Variants in KIF13B observed in about 807,000 individuals in gnomAD.
KIF13B encodes the protein kinesin-like protein KIF13B.
In KIF13B, 127 loss-of-function variants were observed where a neutral mutation model predicts 222.0. That is an observed-to-expected ratio of 0.57 (90% CI 0.50 to 0.66). KIF13B has a LOEUF of 0.66. Among genes scored for constraint, KIF13B ranks in the 30% least tolerant of loss-of-function variants. The pLI is 0.00. For missense variants in KIF13B, 2,173 were observed against 2,379.0 expected (o/e 0.91, Z 1.80); for synonymous variants, 976 against 919.0 (o/e 1.06, Z -1.12).
At chr8:29,142,828 G>C (rs1810879110) in intron 18 of KIF13B, among the ~76,000 whole-genome samples, 1 of 151,416 alleles carries the variant, frequency 6.6e-6, no homozygotes, top group Non-Finnish European at 1.5e-5. Flanking sequence ...GACAGTATGA[G>C]ACTCTCAAAA....
At chr8:29,094,211 C>A (rs1286491666) in intron 36 of KIF13B, among the ~76,000 whole-genome samples, 1 of 150,804 alleles carries the variant, frequency 6.6e-6, no homozygotes, top group African/African-American at 2.4e-5. Flanking sequence ...AATCAAGGAT[C>A]TAGCTCTACC....
chr8:29,206,250 C>T (rs144501882), intron 2 of KIF13B, among the ~76,000 whole-genome samples: 1 of 152,278 alleles, frequency 6.6e-6, no homozygotes, highest in East Asian at 1.9e-4. Context: ...CATAGTGAGA[C>T]CTTGTCTCTA....
At chr8:29,142,934 C>CCGAG (rs1353428716) in intron 18 of KIF13B, among the ~76,000 whole-genome samples, 30 of 152,118 alleles carry the variant, frequency 2.0e-4, no homozygotes, top group Non-Finnish European at 2.1e-4. Context: ...CTCACTGCAG[C>CCGAG]CTCGAACTCC....
At chr8:29,088,614 A>G (rs1301198654) in intron 37 of KIF13B, among the ~76,000 whole-genome samples, 1 of 152,232 alleles carries the variant, frequency 6.6e-6, no homozygotes, top group Non-Finnish European at 1.5e-5. Context: ...TTTCAAGTGC[A>G]TGGAACTCCA....
At chr8:29,217,087 C>T (rs1814518786) in intron 2 of KIF13B, among the ~76,000 whole-genome samples, 1 of 152,206 alleles carries the variant, frequency 6.6e-6, no homozygotes, top group Non-Finnish European at 1.5e-5. Context: ...AGCTGTCTCA[C>T]TCTACCTCTT....
intron 37 of KIF13B, among the ~76,000 whole-genome samples, chr8:29,078,884 G>C (rs139348933): frequency 3.1e-4 from 47 of 152,306 alleles, no homozygotes; most frequent in Admixed American, 2.8e-3. Flanking sequence ...CAGATGAGTA[G>C]CTTACAGGCA....
At chr8:29,120,178 T>G (rs1432029267) in intron 29 of KIF13B, among the ~76,000 whole-genome samples, 3 of 149,704 alleles carry the variant, frequency 2.0e-5, no homozygotes, top group Non-Finnish European at 4.5e-5. Flanking sequence ...TTTTTTTTTT[T>G]TTTTTTTTTT....
chr8:29,160,855 G>T lies in KIF13B; in HGVS notation c.1282C>A (p.Gln428Lys). 1.2e-6 allele frequency: 2 copies of T among 1,613,196 alleles called. No homozygotes were observed. Among genetic ancestry groups the T allele is most frequent in the Non-Finnish European group, 1.7e-6 (2 of 1,179,480 alleles). ...TEEIAQERQK[Q>K]LESLGISLQS... ...AGAGATATTCCAAGACTCTCAAGCT[G>T]TTTCTGTCGTTCCTGTAAATGTTAT... The change falls in exon 13 of 40, where the codon CAG (glutamine) becomes AAG (lysine). Residue 428 changes from glutamine to lysine, a missense_variant. By Grantham distance (53) the Gln-to-Lys change is moderately conservative. This residue lies in a region of KIF13B where 1,480 missense variants were observed against 1,722.8 expected (regional missense o/e 0.86). Coordinates refer to ENST00000524189, the MANE Select transcript of KIF13B (RefSeq NM_015254.4).
chr8:29,082,463 G>C (rs62502812), intron 37 of KIF13B, among the ~76,000 whole-genome samples: 62,407 of 151,522 alleles, frequency 0.41, 13,869 homozygotes, highest in Non-Finnish European at 0.51. Flanking sequence ...ACATACCAAG[G>C]CCTCATTTTT....
At position 29,224,687 on chromosome 8, in the gene KIF13B, G is replaced by A. The variant is rs553791570; in HGVS notation, c.149+20659C>T. 5.4e-5 allele frequency among the ~76,000 whole-genome samples: 8 copies of A among 148,136 alleles called. No homozygotes were observed. In the East Asian group the frequency reaches 5.9e-4, roughly 11 times the overall value. ...ACCCCCCCCCATTCATTCTATCCACGTTAAGAATCCCTATTCTAGAGCATG... is the reference window on the plus strand; with the variant it reads ...ACCCCCCCCCATTCATTCTATCCACATTAAGAATCCCTATTCTAGAGCATG... On this transcript the variant is annotated intron_variant, in intron 2 of 39. Coordinates refer to ENST00000524189, the MANE Select transcript of KIF13B (RefSeq NM_015254.4).
At position 29,108,127 on chromosome 8, in the gene KIF13B, T is replaced by TA; in HGVS notation, c.4215+11dup. 6.2e-7 allele frequency: 1 copy of TA among 1,604,694 alleles called. No individual in the cohort carries two copies. Among genetic ancestry groups the TA allele is most frequent in the East Asian group, 2.2e-5 (1 of 44,804 alleles). On this transcript the variant is annotated intron_variant, in intron 35 of 39. Coordinates refer to ENST00000524189, the MANE Select transcript of KIF13B (RefSeq NM_015254.4). ...GACTTAAAACACTGATAGAAATAGT[T>TA]AAAACACCTACCTTGTTGCTGCCTA...
chr8:29,079,361 C>T (rs763663604), intron 37 of KIF13B, among the ~76,000 whole-genome samples: 6 of 152,340 alleles, frequency 3.9e-5, no homozygotes, highest in East Asian at 1.9e-4. Context: ...TCACACATGA[C>T]GGTATCTACA....
intron 13 of KIF13B, among the ~76,000 whole-genome samples, chr8:29,156,459 T>C (rs1166861898): frequency 6.6e-6 from 1 of 152,102 alleles, no homozygotes; most frequent in Non-Finnish European, 1.5e-5. Context: ...ATACTTTAGT[T>C]CCGTTTTTTT....
intron 9 of KIF13B, 147 bp from the exon 10 acceptor site, chr8:29,176,326 C>T (rs1812475635): frequency 3.3e-6 from 2 of 601,990 alleles, no homozygotes; most frequent in Non-Finnish European, 5.9e-6. Flanking sequence ...CAAAAGCACA[C>T]AACTCAAAAT....
In KIF13B at chr8:29,092,806, T is replaced by A; in HGVS notation, c.4397A>T (p.Lys1466Met). 6.2e-7 allele frequency: 1 copy of A among 1,613,354 alleles called. No individual in the cohort carries two copies. Among genetic ancestry groups the A allele is most frequent in the Non-Finnish European group, 8.5e-7 (1 of 1,179,686 alleles). ...SFVPQMPKLLKSLFPVRDEKR... is the reference protein window; with the variant it reads ...SFVPQMPKLLMSLFPVRDEKR... ...CTCATCGCGGACGGGAAAGAGAGAC[T>A]TGAGGAGCTTTGGCATTTGCGGCAC... Residue 1466 changes from lysine (K) to methionine (M), a missense_variant, in exon 37 of 40, where the codon AAG (lysine) becomes ATG (methionine). Transcript: ENST00000524189.
intron 25 of KIF13B, 89 bp from the exon 26 acceptor site, chr8:29,126,600 T>C: frequency 1.2e-6 from 1 of 806,260 alleles, no homozygotes; most frequent in Non-Finnish European, 2.1e-6. Flanking sequence ...TTACCCATAA[T>C]TTATATTTTC....
At chr8:29,256,168 C>T (rs1044492885) in intron 1 of KIF13B, among the ~76,000 whole-genome samples, 13 of 152,206 alleles carry the variant, frequency 8.5e-5, no homozygotes, top group Non-Finnish European at 1.9e-4. Flanking sequence ...TAAGCACTGA[C>T]GACACACTGT....
At chr8:29,194,727 G>A (rs1332979488) in intron 3 of KIF13B, among the ~76,000 whole-genome samples, 1 of 152,152 alleles carries the variant, frequency 6.6e-6, no homozygotes, top group Non-Finnish European at 1.5e-5. Flanking sequence ...AGTAAACACT[G>A]TAACAAATTC....
At position 29,123,502 on chromosome 8, in the gene KIF13B, C is replaced by T. The variant is rs183934866; in HGVS notation, c.3353-10G>A. ...TCATCCTCTGTTTTATCTAGAACAT[C>T]GAGAATGAGGATTCAATGACAAAAC... On this transcript the variant is annotated splice_polypyrimidine_tract_variant and intron_variant, in intron 27 of 39. Transcript: ENST00000524189. The T allele has an allele frequency of 1.1e-5, 18 of 1,613,626 alleles. No homozygotes were observed. Among genetic ancestry groups the T allele is most frequent in the Non-Finnish European group, 1.4e-5 (17 of 1,179,772 alleles).
Sources: allele counts gnomAD v4.1 joint callset (sites outside exome capture counted in the v4.1 genomes callset), GRCh38; gene constraint gnomAD v4.1.1; regional missense constraint gnomAD v4.1.1; transcripts MANE v1.5; gene names NCBI Gene and HGNC (gene_info 2026-07-23, HGNC 2026-07-21).